NKAIN2: variants seen among roughly 807,000 people sequenced by gnomAD.
NKAIN2 encodes the protein sodium/potassium-transporting ATPase subunit beta-1-interacting protein 2.
NKAIN2 carries 14 observed loss-of-function variants against 32.6 expected under a neutral mutation model. The observed-to-expected ratio is 0.43, with a 90% CI of 0.28 to 0.67. NKAIN2 has a LOEUF of 0.67. Ranked by LOEUF, NKAIN2 falls within the 30% of genes least tolerant of loss-of-function variation. The probability of loss-of-function intolerance (pLI) is 0.17; values close to 1 mark genes in which losing one functional copy is unlikely to be tolerated. For synonymous variants in NKAIN2, 80 were observed against 87.2 expected (o/e 0.92, Z 0.46); for missense variants, 198 against 258.3 (o/e 0.77, Z 1.60).
intron 1 of NKAIN2, among the ~76,000 whole-genome samples, chr6:123,935,055 TTATATATATATTTC>T (rs1172188736): frequency 1.4e-5 from 2 of 147,226 alleles, no homozygotes; most frequent in Non-Finnish European, 3.0e-5. Context: ...GAAATATATA[TTATATATATATTTC>T]TATATATATA....
intron 5 of NKAIN2, among the ~76,000 whole-genome samples, chr6:124,796,393 G>C (rs1005822041): frequency 6.6e-6 from 1 of 152,116 alleles, no homozygotes; most frequent in African/African-American, 2.4e-5. Context: ...TTAGGAGTTA[G>C]GCCTTCAACA....
chr6:123,866,329 C>T (rs144107475), intron 1 of NKAIN2, among the ~76,000 whole-genome samples: 4 of 152,358 alleles, frequency 2.6e-5, no homozygotes, highest in Admixed American at 6.5e-5. Flanking sequence ...GTTTTTACTT[C>T]TTCAAGTCCC....
intron 1 of NKAIN2, among the ~76,000 whole-genome samples, chr6:124,242,256 A>T (rs779571338): frequency 9.2e-5 from 14 of 152,204 alleles, no homozygotes; most frequent in African/African-American, 2.7e-4. Context: ...CACTTCTCAA[A>T]AGAAGACATT....
chr6:124,089,698 T>G (rs1784339971), intron 1 of NKAIN2, among the ~76,000 whole-genome samples: 2 of 152,036 alleles, frequency 1.3e-5, no homozygotes, highest in African/African-American at 4.8e-5. Context: ...ATTGTTCATT[T>G]GTCTGGATTT....
At chr6:124,265,157 A>G (rs1049894058) in intron 1 of NKAIN2, among the ~76,000 whole-genome samples, 2 of 151,410 alleles carry the variant, frequency 1.3e-5, no homozygotes, top group Admixed American at 1.3e-4. Flanking sequence ...GTTTTTTTTC[A>G]AGTGACTTCA....
At chr6:124,123,439 G>A (rs1339357952) in intron 1 of NKAIN2, among the ~76,000 whole-genome samples, 1 of 152,022 alleles carries the variant, frequency 6.6e-6, no homozygotes, top group African/African-American at 2.4e-5. Context: ...TTTTCCCAGA[G>A]ACAGTATTCT....
chr6:123,837,745 T>G (rs1348664255), intron 1 of NKAIN2, among the ~76,000 whole-genome samples: 1 of 152,184 alleles, frequency 6.6e-6, no homozygotes, highest in Non-Finnish European at 1.5e-5. Flanking sequence ...CTGATTTCAT[T>G]GTCTAGCTTA....
intron 4 of NKAIN2, among the ~76,000 whole-genome samples, chr6:124,777,218 A>G (rs894977663): frequency 1.6e-4 from 25 of 152,188 alleles, no homozygotes; most frequent in Admixed American, 1.6e-3. Context: ...CTGCATATAA[A>G]GGAAGAAATT....
At chr6:124,554,150 C>A (rs560185388) in intron 3 of NKAIN2, among the ~76,000 whole-genome samples, 118 of 152,326 alleles carry the variant, frequency 7.7e-4, no homozygotes, top group African/African-American at 2.6e-3. Context: ...CTTCAAAATT[C>A]AGTTGGTCAG....
chr6:124,217,134 G>A (rs1791519236), intron 1 of NKAIN2, among the ~76,000 whole-genome samples: 1 of 152,042 alleles, frequency 6.6e-6, no homozygotes, highest in Non-Finnish European at 1.5e-5. Context: ...ATATCCTAAA[G>A]TATAAACATA....
chr6:123,924,120 T>C (rs561629201), intron 1 of NKAIN2, among the ~76,000 whole-genome samples: 1 of 152,312 alleles, frequency 6.6e-6, no homozygotes, highest in African/African-American at 2.4e-5. Context: ...TGTCAAAGAA[T>C]TTTCTATTCT....
At chr6:124,292,932 A>G (rs750626727) in intron 2 of NKAIN2, among the ~76,000 whole-genome samples, 1 of 152,128 alleles carries the variant, frequency 6.6e-6, no homozygotes, top group South Asian at 2.1e-4. Flanking sequence ...ATTTAGTTGA[A>G]AGTATTGCTT....
At chr6:123,942,914 A>G (rs1375104046) in intron 1 of NKAIN2, among the ~76,000 whole-genome samples, 1 of 152,026 alleles carries the variant, frequency 6.6e-6, no homozygotes, top group Non-Finnish European at 1.5e-5. Context: ...ACAATAATTG[A>G]GTCAAGTACT....
chr6:124,362,140 TATG>T (rs1370731674), intron 3 of NKAIN2, among the ~76,000 whole-genome samples: 7 of 152,072 alleles, frequency 4.6e-5, no homozygotes, highest in Non-Finnish European at 7.4e-5. Context: ...TAACAAATAT[TATG>T]ATGATAATAT....
intron 1 of NKAIN2, among the ~76,000 whole-genome samples, chr6:123,990,125 C>CG (rs961067282): frequency 2.1e-4 from 32 of 152,240 alleles, no homozygotes; most frequent in African/African-American, 7.5e-4. Flanking sequence ...ATAAAACCAT[C>CG]GGATCTTGTG....
At chr6:124,490,942 C>A (rs773050535) in intron 3 of NKAIN2, among the ~76,000 whole-genome samples, 1 of 151,658 alleles carries the variant, frequency 6.6e-6, no homozygotes, top group Non-Finnish European at 1.5e-5. Context: ...TTTCTAGAAA[C>A]AACTCATTTA....
intron 1 of NKAIN2, among the ~76,000 whole-genome samples, chr6:123,982,037 G>A (rs1394076641): frequency 2.0e-5 from 3 of 152,044 alleles, no homozygotes; most frequent in Admixed American, 6.5e-5. Flanking sequence ...TTTTCTGTAG[G>A]TTAAGTCTAG....
rs1350758983 is a variant in NKAIN2 at position 123,893,145 on chromosome 6, G to A, written c.54+88891G>A. ...TGACTTGCTCCACGAACTTCTTTCA[G>A]TTCATACTTCTTTTTCCTTATTGTG... On this transcript the variant is annotated intron_variant, in intron 1 of 6. Coordinates refer to ENST00000368417, the MANE Select transcript of NKAIN2 (RefSeq NM_001040214.3). Among the ~76,000 whole-genome samples, 7 of 151,966 alleles carry A rather than the reference G, an allele frequency of 4.6e-5. No individual in the cohort carries two copies. The East Asian group carries it at 1.4e-3, about 29-fold the overall frequency.
intron 3 of NKAIN2, among the ~76,000 whole-genome samples, chr6:124,585,341 G>A (rs1253590297): frequency 6.6e-6 from 1 of 152,166 alleles, no homozygotes; most frequent in Non-Finnish European, 1.5e-5. Flanking sequence ...GGTTAGTGGA[G>A]GTGGTTAATA....
Sources: allele counts gnomAD v4.1 joint callset (sites outside exome capture counted in the v4.1 genomes callset), GRCh38; gene constraint gnomAD v4.1.1; transcripts MANE v1.5; gene names NCBI Gene and HGNC (gene_info 2026-07-23, HGNC 2026-07-21).